MAD1L1: variants seen among roughly 807,000 people sequenced by gnomAD.
MAD1L1 encodes mitotic spindle assembly checkpoint protein MAD1.
A neutral mutation model predicts 96.9 loss-of-function variants in MAD1L1; 95 were observed. That is an observed-to-expected ratio of 0.98 (90% CI 0.83 to 1.16). MAD1L1 has a LOEUF of 1.16. MAD1L1 is among the 50% of genes most tolerant of loss of function. The pLI, the probability that MAD1L1 is intolerant of heterozygous loss-of-function variation, is 0.00. For missense variants in MAD1L1, 1,007 were observed against 954.4 expected, an observed-to-expected ratio of 1.06 and a Z score of -0.73; for synonymous variants, 473 against 396.6, an observed-to-expected ratio of 1.19 and a Z score of -2.29.
At chr7:2,090,855 T>C (rs1786175327) in intron 11 of MAD1L1, among the ~76,000 whole-genome samples, 1 of 152,150 alleles carries the variant, frequency 6.6e-6, no homozygotes, top group East Asian at 1.9e-4. Context: ...ACTCCACTCT[T>C]TGGAAGGAGG....
chr7:2,128,127 C>T (rs139601381), intron 11 of MAD1L1, among the ~76,000 whole-genome samples: 73 of 152,328 alleles, frequency 4.8e-4, no homozygotes, highest in African/African-American at 1.7e-3. Context: ...GAGCTGCTGA[C>T]GCCCTCCCAG....
intron 12 of MAD1L1, among the ~76,000 whole-genome samples, chr7:2,053,306 G>A (rs1784262844): frequency 6.6e-6 from 1 of 152,166 alleles, no homozygotes; most frequent in Non-Finnish European, 1.5e-5. Flanking sequence ...TCCGGGCGGG[G>A]GCAGAGCACA....
intron 10 of MAD1L1, among the ~76,000 whole-genome samples, chr7:2,210,314 C>T (rs1036041333): frequency 2.0e-5 from 3 of 152,152 alleles, no homozygotes; most frequent in Non-Finnish European, 4.4e-5. Context: ...CGAGCAATCC[C>T]CCTGCGGCAG....
chr7:1,996,608 A>G (rs1426029205), intron 14 of MAD1L1, among the ~76,000 whole-genome samples: 1 of 152,138 alleles, frequency 6.6e-6, no homozygotes, highest in African/African-American at 2.4e-5. Context: ...CATTTCAGAG[A>G]TGGACAAAGA....
chr7:2,141,432 G>C (rs944803680), intron 11 of MAD1L1, among the ~76,000 whole-genome samples: 31 of 152,194 alleles, frequency 2.0e-4, no homozygotes, highest in African/African-American at 7.2e-4. Flanking sequence ...TGGTGCCTCA[G>C]ACAGGCCCCC....
At chr7:1,827,569 GGTGTGGC>G (rs1782477727) in intron 18 of MAD1L1, among the ~76,000 whole-genome samples, 1 of 123,466 alleles carries the variant, frequency 8.1e-6, no homozygotes, top group African/African-American at 3.0e-5. Context: ...GCCCGTCCCG[GGTGTGGC>G]ATCCTCCCCT....
chr7:1,998,394 G>C lies in MAD1L1; in HGVS notation c.1416+3671C>G, dbSNP rs939770311. Among the ~76,000 whole-genome samples, 4 of 152,238 alleles carry C rather than the reference G, an allele frequency of 2.6e-5. No individual in the cohort carries two copies. The East Asian group carries it at 7.7e-4, about 29-fold the overall frequency. On this transcript the variant is annotated intron_variant, in intron 14 of 18. Coordinates refer to ENST00000265854, the MANE Select transcript of MAD1L1 (RefSeq NM_001013836.2). ...GCTCCAGGGCAGCTGCAGGTGCCGG[G>C]CAGGTGGCTCAGCCATAATGCCGAG...
chr7:1,978,412 G>A (rs1780744442), intron 15 of MAD1L1, among the ~76,000 whole-genome samples: 1 of 152,240 alleles, frequency 6.6e-6, no homozygotes, highest in Non-Finnish European at 1.5e-5. Context: ...CGGCTTCGGA[G>A]GGGCTCCCAG....
chr7:2,006,770 C>A (rs752408752), intron 13 of MAD1L1, among the ~76,000 whole-genome samples: 2 of 152,152 alleles, frequency 1.3e-5, no homozygotes, highest in African/African-American at 4.8e-5. Context: ...TCTCTGTGTG[C>A]GCAGAGGAGG....
At chr7:2,197,858 C>T (rs1792074611) in intron 10 of MAD1L1, among the ~76,000 whole-genome samples, 1 of 152,170 alleles carries the variant, frequency 6.6e-6, no homozygotes, top group Non-Finnish European at 1.5e-5. Flanking sequence ...GAGTTCACAA[C>T]CCCTCCCTGC....
chr7:2,126,148 T>C (rs1425115128), intron 11 of MAD1L1, among the ~76,000 whole-genome samples: 1 of 152,144 alleles, frequency 6.6e-6, no homozygotes, highest in Non-Finnish European at 1.5e-5. Flanking sequence ...ATGGCACCTC[T>C]GCCATATGGC....
At chr7:1,867,184 G>T (rs1167674923) in intron 18 of MAD1L1, among the ~76,000 whole-genome samples, 2 of 152,196 alleles carry the variant, frequency 1.3e-5, no homozygotes, top group Non-Finnish European at 2.9e-5. Flanking sequence ...ACAGACATGG[G>T]CACCGTAGGC....
At chr7:1,938,999 G>GCACA (rs66527139) in intron 16 of MAD1L1, among the ~76,000 whole-genome samples, 73 of 48,670 alleles carry the variant, frequency 1.5e-3, no homozygotes, top group African/African-American at 4.2e-3. Context: ...GCACACACAC[G>GCACA]CACACACACA....
chr7:2,149,447 G>A (rs992851877), intron 10 of MAD1L1, among the ~76,000 whole-genome samples: 30 of 152,166 alleles, frequency 2.0e-4, no homozygotes, highest in Non-Finnish European at 7.3e-5. Flanking sequence ...ACACCGGGGA[G>A]ATGACCTTAG....
chr7:2,106,260 G>A (rs1787093548), intron 11 of MAD1L1, among the ~76,000 whole-genome samples: 1 of 152,074 alleles, frequency 6.6e-6, no homozygotes, highest in Admixed American at 6.5e-5. Context: ...TGCGAGCACG[G>A]CAGGCCGCTT....
At chr7:2,007,043 G>C (rs552175642) in intron 13 of MAD1L1, among the ~76,000 whole-genome samples, 1 of 152,160 alleles carries the variant, frequency 6.6e-6, no homozygotes, top group Non-Finnish European at 1.5e-5. Context: ...AGCCCAGCAG[G>C]CCTGCTGGGT....
intron 17 of MAD1L1, among the ~76,000 whole-genome samples, chr7:1,924,667 C>T (rs1363900340): frequency 6.6e-6 from 1 of 151,998 alleles, no homozygotes; most frequent in African/African-American, 2.4e-5. Context: ...CCCAGGAACG[C>T]CAGGAAAGAA....
At chr7:2,064,237 C>T (rs1784784375) in intron 12 of MAD1L1, among the ~76,000 whole-genome samples, 1 of 152,168 alleles carries the variant, frequency 6.6e-6, no homozygotes, top group East Asian at 1.9e-4. Context: ...AAACAATCAA[C>T]ACCAATATCC....
Position 2,230,114 on chromosome 7 carries a change from T to C in MAD1L1, c.20A>G (p.Asn7Ser), listed in dbSNP as rs747634115. Residue 7 changes from asparagine (N) to serine (S), a missense_variant, in exon 3 of 19, where the codon AAC (asparagine) becomes AGC (serine). Transcript: ENST00000265854. ...TCTCAGGGTGGATAAAACCATGGTG[T>C]TTTCCCCCAGGTCTTCCATGGTTGC... MEDLGE[N>S]TMVLSTLRSL... The C allele has an allele frequency of 6.2e-7, 1 of 1,600,684 alleles. No individual in the cohort carries two copies. The highest frequency in any genetic ancestry group is 8.5e-7 in the Non-Finnish European group (1 of 1,173,552).
Sources: gnomAD v4.1 joint callset for allele counts (sites outside exome capture counted in the v4.1 genomes callset) on GRCh38, gnomAD v4.1.1 for gene constraint, MANE v1.5 for transcripts, NCBI Gene and HGNC (gene_info 2026-07-23, HGNC 2026-07-21) for gene names.